The following ARB2A variants were observed in gnomAD, a reference collection of about 807,000 sequenced individuals.
ARB2A encodes the protein cotranscriptional regulator ARB2A.
the ARB2A span, among the ~76,000 whole-genome samples, chr5:93,791,355 CT>C: frequency 6.6e-6 from 1 of 152,220 alleles, no homozygotes; most frequent in South Asian, 2.1e-4. Context: ...ATGTTGAATG[CT>C]ACCCTGGCAA....
At chr5:93,784,574 TAAC>T in the ARB2A span, 9 of 1,026,224 alleles carry the variant, frequency 8.8e-6, no homozygotes, top group African/African-American at 1.6e-5. Flanking sequence ...TAGTCAGAGA[TAAC>T]AATAATATTA....
At chr5:93,835,900 C>T in the ARB2A span, among the ~76,000 whole-genome samples, 1 of 152,106 alleles carries the variant, frequency 6.6e-6, no homozygotes, top group South Asian at 2.1e-4. Flanking sequence ...TTAAGGCTTT[C>T]CACTGGGAAA....
the ARB2A span, among the ~76,000 whole-genome samples, chr5:94,077,223 A>G: frequency 2.0e-5 from 3 of 151,910 alleles, no homozygotes; most frequent in African/African-American, 7.3e-5. Flanking sequence ...AAACACAAAA[A>G]TCAGCCGAGT....
the ARB2A span, among the ~76,000 whole-genome samples, chr5:93,918,105 G>A: frequency 9.1e-4 from 138 of 152,076 alleles, no homozygotes; most frequent in African/African-American, 3.2e-3. Flanking sequence ...TTATTCCTAA[G>A]TTTATATAAA....
chr5:93,753,281 CAAA>C, the ARB2A span, among the ~76,000 whole-genome samples: 1 of 152,144 alleles, frequency 6.6e-6, no homozygotes, highest in Non-Finnish European at 1.5e-5. Flanking sequence ...TATTCACTAA[CAAA>C]GAAGAGATAT....
the ARB2A span, among the ~76,000 whole-genome samples, chr5:93,802,311 A>G: frequency 1.3e-5 from 2 of 152,070 alleles, no homozygotes; most frequent in African/African-American, 4.8e-5. Context: ...TTTTTGTCAT[A>G]GATGACACAT....
chr5:94,048,945 A>G, the ARB2A span, among the ~76,000 whole-genome samples: 1 of 152,232 alleles, frequency 6.6e-6, no homozygotes, highest in Non-Finnish European at 1.5e-5. Flanking sequence ...ATTGTCTCCC[A>G]GGAAATGATA....
At chr5:93,703,706 G>A in the ARB2A span, among the ~76,000 whole-genome samples, 1 of 152,180 alleles carries the variant, frequency 6.6e-6, no homozygotes, top group Non-Finnish European at 1.5e-5. Flanking sequence ...ACCAGTGGCC[G>A]AAGGGTGGCA....
At chr5:93,894,175 C>T in the ARB2A span, among the ~76,000 whole-genome samples, 4 of 152,044 alleles carry the variant, frequency 2.6e-5, no homozygotes, top group African/African-American at 9.7e-5. Context: ...ACATATCTTA[C>T]GTTGTCATGC....
At chr5:93,776,292 T>A in the ARB2A span, 2 of 1,496,516 alleles carry the variant, frequency 1.3e-6, no homozygotes, top group East Asian at 2.3e-5. Flanking sequence ...TAAGCCAAGA[T>A]GGAATTTTTA....
chr5:93,692,119 A>C, the ARB2A span, among the ~76,000 whole-genome samples: 2 of 152,228 alleles, frequency 1.3e-5, no homozygotes, highest in African/African-American at 4.8e-5. Flanking sequence ...TGCATTAACT[A>C]ACGGGCAAAA....
the ARB2A span, among the ~76,000 whole-genome samples, chr5:94,005,025 AAGAG>A: frequency 3.6e-5 from 4 of 110,088 alleles, no homozygotes; most frequent in Middle Eastern, 3.9e-3. Context: ...AAAAAAAAAA[AAGAG>A]AGAGGACACA....
chr5:94,012,221 T>C, the ARB2A span, among the ~76,000 whole-genome samples: 1 of 152,004 alleles, frequency 6.6e-6, no homozygotes, highest in East Asian at 1.9e-4. Context: ...GCTAACACGG[T>C]GAAACCCCGT....
chr5:93,914,183 A>G, the ARB2A span, among the ~76,000 whole-genome samples: 2 of 152,068 alleles, frequency 1.3e-5, no homozygotes, highest in African/African-American at 4.8e-5. Flanking sequence ...GGGTTTGGGA[A>G]TCTGTAGATT....
chr5:93,744,817 T>A, the ARB2A span, among the ~76,000 whole-genome samples: 1 of 152,166 alleles, frequency 6.6e-6, no homozygotes, highest in African/African-American at 2.4e-5. Flanking sequence ...CAAAAATCAC[T>A]CTTAGTAAGT....
chr5:93,837,710 C>A, the ARB2A span, among the ~76,000 whole-genome samples: 1 of 152,100 alleles, frequency 6.6e-6, no homozygotes, highest in Non-Finnish European at 1.5e-5. Flanking sequence ...ATTCTGGCTG[C>A]TGTGAGATGG....
At chr5:94,108,078 AC>A in the ARB2A span, among the ~76,000 whole-genome samples, 1 of 152,008 alleles carries the variant, frequency 6.6e-6, no homozygotes, top group Non-Finnish European at 1.5e-5. Context: ...GATATCTAAC[AC>A]ATCTTTTCTG....
chr5:93,778,919 T>G, the ARB2A span, among the ~76,000 whole-genome samples: 1 of 152,204 alleles, frequency 6.6e-6, no homozygotes, highest in Non-Finnish European at 1.5e-5. Context: ...AGTTAACATT[T>G]TATGTTTGTA....
At chr5:94,043,922 T>C in the ARB2A span, among the ~76,000 whole-genome samples, 39 of 152,372 alleles carry the variant, frequency 2.6e-4, no homozygotes, top group African/African-American at 8.4e-4. Flanking sequence ...CAAATTGGTC[T>C]TACCATGATT....
Sources: allele counts gnomAD v4.1 joint callset (sites outside exome capture counted in the v4.1 genomes callset), GRCh38; gene constraint gnomAD v4.1.1; transcripts MANE v1.5; gene names NCBI Gene and HGNC (gene_info 2026-07-23, HGNC 2026-07-21).